The following BLOC1S5 variants were observed in gnomAD, a reference collection of about 807,000 sequenced individuals.
BLOC1S5 encodes the protein biogenesis of lysosomal organelles complex 1 subunit 5, also known as biogenesis of lysosome-related organelles complex 1 subunit 5.
BLOC1S5 carries 27 observed loss-of-function variants against 24.3 expected under a neutral mutation model. That is an observed-to-expected ratio of 1.11 (90% CI 0.82 to 1.53). The LOEUF is 1.53. Ranked by LOEUF, BLOC1S5 falls within the 40% of genes most tolerant of loss-of-function variation. The pLI is 0.00. For synonymous variants in BLOC1S5, 84 were observed against 74.5 expected (o/e 1.13, Z -0.66); for missense variants, 239 against 229.4 (o/e 1.04, Z -0.27).
chr6:8,038,510 A>C (rs1763566742), intron 3 of BLOC1S5, among the ~76,000 whole-genome samples: 1 of 152,108 alleles, frequency 6.6e-6, no homozygotes, highest in Non-Finnish European at 1.5e-5. Context: ...TTATTGACGG[A>C]GTCTCACTCT....
chr6:8,055,695 G>C (rs1764282043), intron 2 of BLOC1S5, among the ~76,000 whole-genome samples: 1 of 152,080 alleles, frequency 6.6e-6, no homozygotes, highest in Non-Finnish European at 1.5e-5. Flanking sequence ...TTTTTCTACA[G>C]TGTAAAACAT....
chr6:8,037,060 A>G (rs577157052), intron 3 of BLOC1S5, among the ~76,000 whole-genome samples: 10 of 152,334 alleles, frequency 6.6e-5, no homozygotes, highest in African/African-American at 2.4e-4. Flanking sequence ...AGCCTTTCCT[A>G]TAAGATCCAG....
intron 2 of BLOC1S5, among the ~76,000 whole-genome samples, chr6:8,057,962 A>G (rs1351092019): frequency 1.3e-5 from 2 of 152,148 alleles, no homozygotes; most frequent in East Asian, 3.8e-4. Context: ...TTTCGTGCTT[A>G]TAACAATTAC....
intron 2 of BLOC1S5, 39 bp from the exon 3 acceptor site, chr6:8,041,307 T>G (rs765749701): frequency 7.3e-7 from 1 of 1,373,494 alleles, no homozygotes; most frequent in Admixed American, 2.7e-5. Context: ...ATATGGTGTC[T>G]TTTCCTTTTT....
chr6:8,042,549 G>A (rs1394865611), intron 2 of BLOC1S5, among the ~76,000 whole-genome samples: 4 of 152,232 alleles, frequency 2.6e-5, no homozygotes, highest in Non-Finnish European at 2.9e-5. Flanking sequence ...CACGGCAGAC[G>A]GGCTGCAAGC....
chr6:8,024,497 G>A (rs1392964822), intron 4 of BLOC1S5, among the ~76,000 whole-genome samples: 10 of 141,270 alleles, frequency 7.1e-5, no homozygotes, highest in African/African-American at 2.4e-4. Flanking sequence ...CCTGGGTGAC[G>A]GAGTGAGACT....
In BLOC1S5 at chr6:8,026,436, A is replaced by G; in HGVS notation, c.326-11T>C. 1 of 1,612,440 alleles carries G rather than the reference A, an allele frequency of 6.2e-7. No homozygotes were observed. Among genetic ancestry groups the G allele is most frequent in the Non-Finnish European group, 8.5e-7 (1 of 1,178,988 alleles). ...CATTAGCTGCTTGCACTGAAATGAA[A>G]AAGACATGGGTTTTCAGTCAGCAGA... On this transcript the variant is annotated splice_polypyrimidine_tract_variant and intron_variant, in intron 3 of 4. Coordinates refer to ENST00000397457, the MANE Select transcript of BLOC1S5 (RefSeq NM_201280.3).
chr6:8,056,855 G>A (rs568912830), intron 2 of BLOC1S5, among the ~76,000 whole-genome samples: 3 of 152,256 alleles, frequency 2.0e-5, no homozygotes, highest in Admixed American at 6.5e-5. Flanking sequence ...GCAGGCAAAC[G>A]GGTAGTTACA....
chr6:8,064,252 T>C lies in BLOC1S5; in HGVS notation c.112+13A>G. On this transcript the variant is annotated intron_variant, in intron 1 of 4. Coordinates refer to ENST00000397457, the MANE Select transcript of BLOC1S5 (RefSeq NM_201280.3). ...TGGGATCCACCAGGAACTATAGCCC[T>C]GACACTCCGTACCCTTGATAATGAG... The C allele has an allele frequency of 6.2e-7, 1 of 1,608,292 alleles. No individual in the cohort carries two copies. Among genetic ancestry groups the C allele is most frequent in the Non-Finnish European group, 8.5e-7 (1 of 1,176,302 alleles).
chr6:8,052,083 C>T (rs1263558696), intron 2 of BLOC1S5, among the ~76,000 whole-genome samples: 1 of 150,844 alleles, frequency 6.6e-6, no homozygotes, highest in African/African-American at 2.4e-5. Context: ...TCTCCTGCCT[C>T]AGCCTCCCAA....
intron 2 of BLOC1S5, among the ~76,000 whole-genome samples, chr6:8,052,674 C>T (rs944398677): frequency 2.0e-5 from 3 of 151,828 alleles, no homozygotes; most frequent in East Asian, 1.9e-4. Flanking sequence ...TGGCAGATCA[C>T]GAGGTCAGGA....
intron 3 of BLOC1S5, among the ~76,000 whole-genome samples, chr6:8,029,435 C>T (rs1193565114): frequency 6.6e-6 from 1 of 152,196 alleles, no homozygotes; most frequent in Non-Finnish European, 1.5e-5. Flanking sequence ...GGATGATCTG[C>T]TTCCCCATCA....
intron 1 of BLOC1S5, among the ~76,000 whole-genome samples, chr6:8,063,833 CACTT>C (rs1447169104): frequency 6.6e-6 from 1 of 152,214 alleles, no homozygotes; most frequent in Non-Finnish European, 1.5e-5. Flanking sequence ...AAGTGTATCT[CACTT>C]ACTCCTCGCA....
At chr6:8,050,903 T>C (rs1764085862) in intron 2 of BLOC1S5, among the ~76,000 whole-genome samples, 1 of 151,576 alleles carries the variant, frequency 6.6e-6, no homozygotes, top group African/African-American at 2.4e-5. Flanking sequence ...CTGTGCCCAG[T>C]GGAAAAGGAA....
At chr6:8,063,863 C>A (rs1472741105) in intron 1 of BLOC1S5, among the ~76,000 whole-genome samples, 1 of 152,172 alleles carries the variant, frequency 6.6e-6, no homozygotes. Context: ...AGGAACAGAT[C>A]GGGTAGGAGA....
chr6:8,060,021 C>T (rs1294044462), intron 2 of BLOC1S5, among the ~76,000 whole-genome samples: 1 of 152,148 alleles, frequency 6.6e-6, no homozygotes, highest in East Asian at 1.9e-4. Context: ...TTTATATAAC[C>T]AGCTGTTACT....
chr6:8,053,407 C>G (rs1383509551), intron 2 of BLOC1S5, among the ~76,000 whole-genome samples: 1 of 152,164 alleles, frequency 6.6e-6, no homozygotes, highest in East Asian at 1.9e-4. Context: ...AACCACCACC[C>G]TGATCAGTCA....
intron 3 of BLOC1S5, among the ~76,000 whole-genome samples, chr6:8,032,129 T>A (rs1763319204): frequency 6.6e-6 from 1 of 152,044 alleles, no homozygotes; most frequent in African/African-American, 2.4e-5. Flanking sequence ...GGGACTCAAT[T>A]AAACTAAAAA....
At chr6:8,064,155 C>T in intron 1 of BLOC1S5, 110 bp downstream of exon 1, 2 of 891,466 alleles carry the variant, frequency 2.2e-6, no homozygotes, top group South Asian at 3.9e-5. Flanking sequence ...CCCGCACAAA[C>T]GCACGCGCGC....
Sources: gnomAD v4.1 joint callset for allele counts (sites outside exome capture counted in the v4.1 genomes callset) on GRCh38, gnomAD v4.1.1 for gene constraint, MANE v1.5 for transcripts, NCBI Gene and HGNC (gene_info 2026-07-23, HGNC 2026-07-21) for gene names.